The following RGS21 variants were observed in gnomAD, a reference collection of about 807,000 sequenced individuals.
The protein encoded by RGS21 is regulator of G-protein signalling 21.
RGS21 carries 19 observed loss-of-function variants against 18.7 expected under a neutral mutation model. That is an observed-to-expected ratio of 1.01 (90% confidence interval 0.71 to 1.49). RGS21 has a LOEUF of 1.49. Among genes scored for constraint, RGS21 ranks in the 40% most tolerant of loss-of-function variants. The pLI is 0.00. For synonymous variants in RGS21, 56 were observed against 57.8 expected (o/e 0.97, Z 0.14); for missense variants, 194 against 176.8 (o/e 1.10, Z -0.55).
At position 192,355,216 on chromosome 1, in the gene RGS21, T is replaced by A. The variant is rs147177850; in HGVS notation, c.255+3003T>A. On this transcript the variant is annotated intron_variant, in intron 4 of 4. Coordinates refer to ENST00000417209, the MANE Select transcript of RGS21 (RefSeq NM_001039152.3). ...CTCAGTTTCCTCATCTGAAAAAGTA[T>A]AATGATACATTTACATAGGAAAAAC... Among the ~76,000 whole-genome samples the A allele has an allele frequency of 2.0e-3, 309 of 151,826 alleles. 1 individual carries two copies. Among genetic ancestry groups the A allele is most frequent in the African/African-American group, 7.2e-3 (298 of 41,506 alleles).
intron 4 of RGS21, among the ~76,000 whole-genome samples, chr1:192,353,774 T>C (rs1348367198): frequency 6.6e-6 from 1 of 151,706 alleles, no homozygotes; most frequent in African/African-American, 2.4e-5. Context: ...GTAGCTATTA[T>C]TTTGGGATAT....
intron 3 of RGS21, among the ~76,000 whole-genome samples, chr1:192,349,245 T>C (rs1357426501): frequency 1.3e-5 from 2 of 152,148 alleles, no homozygotes; most frequent in Non-Finnish European, 2.9e-5. Context: ...GGCAAACTCA[T>C]TCCTCTGCAT....
intron 4 of RGS21, among the ~76,000 whole-genome samples, chr1:192,364,715 C>A (rs985221848): frequency 6.6e-6 from 1 of 152,008 alleles, no homozygotes; most frequent in Non-Finnish European, 1.5e-5. Context: ...ATTTAAATTC[C>A]ATTTAACAAA....
At chr1:192,333,001 A>G (rs7535809) in intron 1 of RGS21, among the ~76,000 whole-genome samples, 21,890 of 152,086 alleles carry the variant, frequency 0.14, 1,694 homozygotes, top group South Asian at 0.24. Context: ...CAATTAGAAA[A>G]AAGGTAAAAT....
intron 4 of RGS21, among the ~76,000 whole-genome samples, chr1:192,352,759 A>G (rs368220826): frequency 6.6e-6 from 1 of 152,056 alleles, no homozygotes; most frequent in Non-Finnish European, 1.5e-5. Flanking sequence ...CTTAAAGATC[A>G]GGAAACTAGA....
At chr1:192,351,691 C>CTATATATATAACATATATAACACATATAA (rs1659042609) in intron 3 of RGS21, among the ~76,000 whole-genome samples, 1 of 145,752 alleles carries the variant, frequency 6.9e-6, no homozygotes, top group Non-Finnish European at 1.5e-5. Context: ...AATATATATG[C>CTATATATATAACATATATAACACATATAA]TATATATGCT....
At chr1:192,348,023 T>TGTA (rs1491172539) in intron 3 of RGS21, among the ~76,000 whole-genome samples, 18 of 139,236 alleles carry the variant, frequency 1.3e-4, no homozygotes, top group African/African-American at 4.9e-4. Context: ...TATATATGTA[T>TGTA]TTTTTTTTTT....
At chr1:192,333,181 A>C (rs1658685225) in intron 1 of RGS21, among the ~76,000 whole-genome samples, 1 of 151,882 alleles carries the variant, frequency 6.6e-6, no homozygotes, top group South Asian at 2.1e-4. Context: ...CAAAAATCTC[A>C]TTAGGATGCA....
At chr1:192,322,740 T>C (rs778220148) in intron 1 of RGS21, among the ~76,000 whole-genome samples, 6 of 152,060 alleles carry the variant, frequency 3.9e-5, no homozygotes, top group Non-Finnish European at 4.4e-5. Flanking sequence ...TGTTCACCCT[T>C]CTAAAAGGGT....
At chr1:192,363,615 C>A (rs1347252529) in intron 4 of RGS21, among the ~76,000 whole-genome samples, 1 of 152,040 alleles carries the variant, frequency 6.6e-6, no homozygotes, top group African/African-American at 2.4e-5. Context: ...GTTATCGTGC[C>A]ACTTAACTGC....
At chr1:192,349,146 C>T (rs561723255) in intron 3 of RGS21, among the ~76,000 whole-genome samples, 1 of 152,224 alleles carries the variant, frequency 6.6e-6, no homozygotes, top group Admixed American at 6.5e-5. Flanking sequence ...ACTGAATTAT[C>T]TCTCTGTGTG....
chr1:192,355,334 C>T (rs749668355), intron 4 of RGS21, among the ~76,000 whole-genome samples: 7 of 151,706 alleles, frequency 4.6e-5, no homozygotes, highest in South Asian at 2.1e-4. Context: ...AAACAAGTCA[C>T]GATAAGTGCT....
At chr1:192,328,209 T>C (rs1181103900) in intron 1 of RGS21, among the ~76,000 whole-genome samples, 12 of 152,224 alleles carry the variant, frequency 7.9e-5, no homozygotes, top group Admixed American at 5.2e-4. Flanking sequence ...AGGCTGGGCA[T>C]GGCTCCGAGG....
At chr1:192,318,904 TAAACAA>T (rs1445619586) in intron 1 of RGS21, among the ~76,000 whole-genome samples, 1 of 151,944 alleles carries the variant, frequency 6.6e-6, no homozygotes, top group Non-Finnish European at 1.5e-5. Context: ...TGTAAATCAA[TAAACAA>T]AAAGAAGGGC....
At chr1:192,359,030 T>C (rs985416803) in intron 4 of RGS21, among the ~76,000 whole-genome samples, 1 of 152,152 alleles carries the variant, frequency 6.6e-6, no homozygotes, top group Non-Finnish European at 1.5e-5. Flanking sequence ...TAAAAGCCTC[T>C]AAATGGTTGT....
chr1:192,349,331 T>C (rs532629206), intron 3 of RGS21, among the ~76,000 whole-genome samples: 1 of 152,334 alleles, frequency 6.6e-6, no homozygotes, highest in Non-Finnish European at 1.5e-5. Context: ...TTTGGTTTGC[T>C]TTTCATAATA....
chr1:192,322,546 C>A (rs1361622560), intron 1 of RGS21, among the ~76,000 whole-genome samples: 1 of 152,012 alleles, frequency 6.6e-6, no homozygotes, highest in Non-Finnish European at 1.5e-5. Context: ...TTTCTAATAA[C>A]CCATTTTGTG....
intron 1 of RGS21, among the ~76,000 whole-genome samples, chr1:192,336,033 C>G (rs12566011): frequency 1.3e-5 from 2 of 151,950 alleles, no homozygotes; most frequent in Non-Finnish European, 2.9e-5. Flanking sequence ...TAACAACTTG[C>G]GTAATGCTCT....
chr1:192,356,972 A>C (rs1167913238), intron 4 of RGS21, among the ~76,000 whole-genome samples: 1 of 151,804 alleles, frequency 6.6e-6, no homozygotes, highest in African/African-American at 2.4e-5. Context: ...GGTGCAACTA[A>C]GAAAAAGACA....
Sources: allele counts gnomAD v4.1 joint callset (sites outside exome capture counted in the v4.1 genomes callset), GRCh38; gene constraint gnomAD v4.1.1; transcripts MANE v1.5; gene names NCBI Gene and HGNC (gene_info 2026-07-23, HGNC 2026-07-21).